OSTF1: variants seen among roughly 807,000 people sequenced by gnomAD.
The protein encoded by OSTF1 is osteoclast stimulating factor 1, also known as osteoclast-stimulating factor 1.
In OSTF1, 27 loss-of-function variants were observed where a neutral mutation model predicts 37.2. The ratio of observed to expected loss-of-function variants is 0.73; its 90% confidence interval spans 0.54 to 1.00. OSTF1 has a LOEUF of 1.00. OSTF1 is among the 50% of genes least tolerant of loss of function. The probability of loss-of-function intolerance (pLI) is 0.00; values close to 1 mark genes in which losing one functional copy is unlikely to be tolerated. For missense variants in OSTF1, 232 were observed against 253.8 expected (o/e 0.91, Z 0.58); for synonymous variants, 82 against 89.2 (o/e 0.92, Z 0.46).
chr9:75,089,186 G>A (rs994586808), intron 1 of OSTF1, among the ~76,000 whole-genome samples: 9 of 151,856 alleles, frequency 5.9e-5, no homozygotes, highest in Non-Finnish European at 1.3e-4. Flanking sequence ...GGTGGGGTGG[G>A]CGAGCGAGCC....
intron 1 of OSTF1, among the ~76,000 whole-genome samples, chr9:75,103,324 T>C (rs1280665893): frequency 6.6e-6 from 1 of 152,144 alleles, no homozygotes; most frequent in Admixed American, 6.6e-5. Context: ...AGGTACCTTA[T>C]AAGTTATTCT....
intron 8 of OSTF1, among the ~76,000 whole-genome samples, chr9:75,139,039 T>TTTCTTTCTTTCC (rs1825888508): frequency 1.9e-4 from 27 of 140,186 alleles, no homozygotes; most frequent in African/African-American, 7.3e-4. Context: ...TCTTTCTTTC[T>TTTCTTTCTTTCC]TTCTTTCTTT....
intron 2 of OSTF1, among the ~76,000 whole-genome samples, chr9:75,121,152 GATA>G (rs145235532): frequency 0.023 from 3,427 of 152,290 alleles, 128 homozygotes; most frequent in African/African-American, 0.078. Flanking sequence ...GTAAAGTGAG[GATA>G]ATAATAGTCC....
intron 1 of OSTF1, among the ~76,000 whole-genome samples, chr9:75,104,813 G>T (rs1825255820): frequency 6.6e-6 from 1 of 152,202 alleles, no homozygotes; most frequent in African/African-American, 2.4e-5. Flanking sequence ...AGAATTAAAA[G>T]AACAGTATTC....
At chr9:75,119,132 ATCTG>A (rs1183522406) in intron 2 of OSTF1, among the ~76,000 whole-genome samples, 1 of 152,128 alleles carries the variant, frequency 6.6e-6, no homozygotes, top group Admixed American at 6.5e-5. Context: ...CAAATCCCAA[ATCTG>A]TCTTTTACTT....
chr9:75,143,806 G>C (rs993454019), intron 9 of OSTF1, among the ~76,000 whole-genome samples: 2 of 152,210 alleles, frequency 1.3e-5, no homozygotes, highest in Admixed American at 6.5e-5. Flanking sequence ...GAGGTGGGCT[G>C]TGAAGAGATA....
rs1826033922 is a variant in OSTF1 at position 75,146,848 on chromosome 9, C to G, written c.*107C>G. Reference sequence around the variant, plus strand: ...AACTATAAAGAAAATTATATATGAACACGGCAGTGTTGCACTGTGTTTGAG... The same window carrying G: ...AACTATAAAGAAAATTATATATGAAGACGGCAGTGTTGCACTGTGTTTGAG... On this transcript the variant is annotated 3_prime_UTR_variant, in exon 10 of 10. Transcript: ENST00000346234. The G allele has an allele frequency of 1.3e-6, 1 of 747,628 alleles. No individual in the cohort carries two copies. The highest frequency in any genetic ancestry group is 2.3e-6 in the Non-Finnish European group (1 of 440,672). 46.3% of individuals were successfully genotyped at this position (747,628 alleles called of 1,614,324 possible).
intron 1 of OSTF1, 73 bp downstream of exon 1, chr9:75,088,799 C>A: frequency 6.9e-7 from 1 of 1,441,152 alleles, no homozygotes; most frequent in Non-Finnish European, 9.6e-7. Context: ...TGCAGCTTGG[C>A]AGGGAGGACC....
chr9:75,103,183 C>T (rs1825224384), intron 1 of OSTF1, among the ~76,000 whole-genome samples: 1 of 152,128 alleles, frequency 6.6e-6, no homozygotes, highest in Admixed American at 6.5e-5. Flanking sequence ...GTCCCAGCTG[C>T]CCAGGAGTTT....
chr9:75,088,862 G>A lies in OSTF1; in HGVS notation c.34+136G>A, dbSNP rs775577129. ...TTCCGAGATCGGCCCCACCGGGATGGGCGCTCTTAGTTTTGCGTTCGCTGT... is the reference window on the plus strand; with the variant it reads ...TTCCGAGATCGGCCCCACCGGGATGAGCGCTCTTAGTTTTGCGTTCGCTGT... On this transcript the variant is annotated intron_variant, in intron 1 of 9. Coordinates refer to ENST00000346234, the MANE Select transcript of OSTF1 (RefSeq NM_012383.5). 272 of 789,568 alleles carry A rather than the reference G, an allele frequency of 3.4e-4. 1 individual carries two copies. The highest frequency in any genetic ancestry group is 4.1e-4 in the Non-Finnish European group (196 of 479,290). The allele number at this position is 789,568 out of a possible 1,614,324, so 48.9% of individuals were successfully genotyped here. A position where few individuals can be genotyped will look rare whatever the true frequency, so the allele number is the denominator to read the frequency against.
chr9:75,132,422 G>A (rs1305040893), intron 5 of OSTF1, among the ~76,000 whole-genome samples: 7 of 152,140 alleles, frequency 4.6e-5, no homozygotes, highest in African/African-American at 1.4e-4. Context: ...CACAAACCCC[G>A]AGGGTATTTG....
At chr9:75,096,217 G>A (rs1185718678) in intron 1 of OSTF1, among the ~76,000 whole-genome samples, 1 of 152,086 alleles carries the variant, frequency 6.6e-6, no homozygotes, top group Non-Finnish European at 1.5e-5. Flanking sequence ...TATTCTTCCA[G>A]TCATTTACCA....
Position 75,096,561 on chromosome 9 carries a change from C to T in OSTF1, c.34+7835C>T, listed in dbSNP as rs555034022. ...GTCTCAGGCCCTTTACAAGGGTCTC[C>T]CTGGCATCCCTACACTCCAGGAATT... On this transcript the variant is annotated intron_variant, in intron 1 of 9. Transcript: ENST00000346234. Among the ~76,000 whole-genome samples, 19 of 152,192 alleles carry T rather than the reference C, an allele frequency of 1.2e-4. No homozygotes were observed. In the South Asian group the frequency reaches 3.9e-3, roughly 32 times the overall value.
chr9:75,123,439 A>G (rs1012718856), intron 2 of OSTF1, among the ~76,000 whole-genome samples: 76 of 152,340 alleles, frequency 5.0e-4, no homozygotes, highest in African/African-American at 1.8e-3. Flanking sequence ...CAAAAAAACA[A>G]AAAACAAAAA....
intron 1 of OSTF1, among the ~76,000 whole-genome samples, chr9:75,102,941 G>A (rs1238864313): frequency 1.3e-5 from 2 of 152,164 alleles, no homozygotes; most frequent in Non-Finnish European, 2.9e-5. Flanking sequence ...ATGAAGTGAG[G>A]AAGAGAAAGT....
At chr9:75,130,721 G>A (rs2118581084) in intron 4 of OSTF1, 80 bp downstream of exon 4, 2 of 868,722 alleles carry the variant, frequency 2.3e-6, no homozygotes, top group Non-Finnish European at 4.0e-6. Flanking sequence ...GCTTGCTACT[G>A]TGGCTGAGAA....
At chr9:75,139,848 A>C (rs1275919308) in intron 8 of OSTF1, among the ~76,000 whole-genome samples, 1 of 152,244 alleles carries the variant, frequency 6.6e-6, no homozygotes, top group Non-Finnish European at 1.5e-5. Context: ...AGCTGTCAGA[A>C]TTTAAAATGG....
chr9:75,128,413 C>CTA (rs1564165078), intron 3 of OSTF1, among the ~76,000 whole-genome samples: 1 of 27,400 alleles, frequency 3.6e-5, no homozygotes, highest in African/African-American at 1.2e-4. Flanking sequence ...TATATTTTGT[C>CTA]CATATATATA....
At chr9:75,144,528 G>A (rs912293520) in intron 9 of OSTF1, among the ~76,000 whole-genome samples, 2 of 152,082 alleles carry the variant, frequency 1.3e-5, no homozygotes, top group Non-Finnish European at 2.9e-5. Context: ...CTGCAGCCTG[G>A]GTGACAGAAT....
Sources: allele counts gnomAD v4.1 joint callset (sites outside exome capture counted in the v4.1 genomes callset), GRCh38; gene constraint gnomAD v4.1.1; transcripts MANE v1.5; gene names NCBI Gene and HGNC (gene_info 2026-07-23, HGNC 2026-07-21).